SND1: variants seen among roughly 807,000 people sequenced by gnomAD.
SND1 encodes the protein staphylococcal nuclease domain-containing protein 1.
In SND1, 38 loss-of-function variants were observed where a neutral mutation model predicts 121.7. The observed-to-expected ratio is 0.31, with a 90% CI of 0.24 to 0.41. The LOEUF is 0.41. Among genes scored for constraint, SND1 ranks in the 10% least tolerant of loss-of-function variants. The pLI is 1.00. For missense variants in SND1, 868 were observed against 1,184.6 expected, an observed-to-expected ratio of 0.73 and a Z score of 3.92; for synonymous variants, 401 against 447.4, an observed-to-expected ratio of 0.90 and a Z score of 1.31.
At chr7:127,776,862 C>T (rs1047647531) in intron 10 of SND1, among the ~76,000 whole-genome samples, 1 of 152,152 alleles carries the variant, frequency 6.6e-6, no homozygotes, top group Non-Finnish European at 1.5e-5. Flanking sequence ...TAGACAAGGC[C>T]CCATTTAACT....
intron 10 of SND1, among the ~76,000 whole-genome samples, chr7:127,751,941 G>A (rs1797104865): frequency 6.6e-6 from 1 of 152,232 alleles, no homozygotes; most frequent in East Asian, 1.9e-4. Context: ...GTGTGCAGCT[G>A]TTGCCTGAAT....
intron 12 of SND1, among the ~76,000 whole-genome samples, chr7:127,864,030 A>T (rs73721020): frequency 0.017 from 2,591 of 152,296 alleles, 93 homozygotes; most frequent in African/African-American, 0.059. Flanking sequence ...TCTGGTGTTG[A>T]ATACACCCAT....
chr7:127,921,564 T>C (rs1380727567), intron 14 of SND1, among the ~76,000 whole-genome samples: 1 of 152,214 alleles, frequency 6.6e-6, no homozygotes, highest in Non-Finnish European at 1.5e-5. Flanking sequence ...TATTGTGTTG[T>C]TGTATATTCT....
At chr7:127,810,294 T>C (rs1720517151) in intron 11 of SND1, among the ~76,000 whole-genome samples, 1 of 152,208 alleles carries the variant, frequency 6.6e-6, no homozygotes, top group Non-Finnish European at 1.5e-5. Flanking sequence ...GAGTATGTGC[T>C]GGTGCTAAAG....
intron 10 of SND1, 26 bp downstream of exon 10, chr7:127,721,426 T>C (rs747562494): frequency 8.0e-6 from 11 of 1,381,788 alleles, no homozygotes; most frequent in Non-Finnish European, 1.1e-5. Context: ...CAGCCGCGCC[T>C]CTTTGCATAA....
chr7:127,954,849 A>G (rs1563069569), intron 15 of SND1, among the ~76,000 whole-genome samples: 1 of 152,106 alleles, frequency 6.6e-6, no homozygotes, highest in Non-Finnish European at 1.5e-5. Flanking sequence ...CAGCCTCCAG[A>G]ATCATAAAGG....
chr7:127,888,332 C>G (rs1246507551), intron 13 of SND1, among the ~76,000 whole-genome samples: 2 of 152,104 alleles, frequency 1.3e-5, no homozygotes, highest in African/African-American at 4.8e-5. Flanking sequence ...CCGGGACTAA[C>G]TGTGAAGCCG....
intron 13 of SND1, 89 bp downstream of exon 13, chr7:127,888,101 T>A: frequency 1.4e-6 from 1 of 739,196 alleles, no homozygotes; most frequent in Non-Finnish European, 2.3e-6. Context: ...GCAGAATGTG[T>A]TGGAAAATAA....
intron 12 of SND1, among the ~76,000 whole-genome samples, chr7:127,874,408 G>GT (rs1441219105): frequency 2.6e-5 from 4 of 152,028 alleles, no homozygotes; most frequent in Non-Finnish European, 5.9e-5. Flanking sequence ...ATCATTTTTT[G>GT]TATCAGGACC....
At chr7:127,852,336 A>C (rs1355522242) in intron 12 of SND1, among the ~76,000 whole-genome samples, 1 of 151,188 alleles carries the variant, frequency 6.6e-6, no homozygotes, top group Admixed American at 6.6e-5. Flanking sequence ...TCTACTAAAA[A>C]TAGGAAAATT....
At chr7:127,816,922 A>C (rs137862818) in intron 11 of SND1, among the ~76,000 whole-genome samples, 1 of 152,228 alleles carries the variant, frequency 6.6e-6, no homozygotes, top group African/African-American at 2.4e-5. Flanking sequence ...TGGCCTCCCA[A>C]AGTGCTAGAA....
In SND1 at chr7:127,653,752, T is replaced by C. The variant is rs142052368; in HGVS notation, c.78+1301T>C. On this transcript the variant is annotated intron_variant, in intron 1 of 23. Transcript: ENST00000354725. ...ATCCCCTCGCCCAATTCCCATGTGC[T>C]CATTTCTTAAGGTAATAGTCTGCCA... Among the ~76,000 whole-genome samples the C allele has an allele frequency of 3.2e-4, 49 of 152,368 alleles. 1 individual carries two copies. The East Asian group carries it at 9.0e-3, about 28-fold the overall frequency.
At chr7:127,901,470 G>C (rs938721739) in intron 13 of SND1, among the ~76,000 whole-genome samples, 2 of 152,108 alleles carry the variant, frequency 1.3e-5, no homozygotes, top group Non-Finnish European at 2.9e-5. Flanking sequence ...ACTCAGCATC[G>C]TTCCTGCAGC....
At chr7:127,887,090 A>G (rs1350179194) in intron 12 of SND1, among the ~76,000 whole-genome samples, 1 of 151,804 alleles carries the variant, frequency 6.6e-6, no homozygotes, top group African/African-American at 2.4e-5. Context: ...AGCAACCTCA[A>G]ACTCCTGATC....
At chr7:127,747,580 A>G (rs1797003362) in intron 10 of SND1, among the ~76,000 whole-genome samples, 1 of 152,214 alleles carries the variant, frequency 6.6e-6, no homozygotes, top group Non-Finnish European at 1.5e-5. Context: ...GATCCTTTAG[A>G]AAAAATTGTT....
At chr7:127,733,911 G>T (rs1796725960) in intron 10 of SND1, among the ~76,000 whole-genome samples, 2 of 152,064 alleles carry the variant, frequency 1.3e-5, no homozygotes, top group Admixed American at 1.3e-4. Flanking sequence ...CTAGAGTAGA[G>T]GCCAGATCAG....
At chr7:127,756,652 A>C (rs1305590091) in intron 10 of SND1, among the ~76,000 whole-genome samples, 1 of 152,168 alleles carries the variant, frequency 6.6e-6, no homozygotes, top group African/African-American at 2.4e-5. Context: ...CTTGCCCTCC[A>C]AGGCTTATCT....
At chr7:127,660,494 C>CT (rs1795289272) in intron 1 of SND1, among the ~76,000 whole-genome samples, 2 of 152,238 alleles carry the variant, frequency 1.3e-5, no homozygotes, top group South Asian at 4.1e-4. Context: ...TTTTTCAGTT[C>CT]TATTTAATGC....
chr7:127,908,314 ATAAATGTGTG>A (rs1800384422), intron 14 of SND1, among the ~76,000 whole-genome samples: 1 of 122,706 alleles, frequency 8.1e-6, no homozygotes, highest in East Asian at 2.6e-4. Flanking sequence ...AAAAATAATA[ATAAATGTGTG>A]TGTGTGTGTG....
Sources: gnomAD v4.1 joint callset for allele counts (sites outside exome capture counted in the v4.1 genomes callset) on GRCh38, gnomAD v4.1.1 for gene constraint, MANE v1.5 for transcripts, NCBI Gene and HGNC (gene_info 2026-07-23, HGNC 2026-07-21) for gene names.